The following CTC1 variants were observed in gnomAD, a reference collection of about 807,000 sequenced individuals.
The protein encoded by CTC1 is CST telomere replication complex component 1.
In CTC1, 91 loss-of-function variants were observed where a neutral mutation model predicts 136.3. The ratio of observed to expected loss-of-function variants is 0.67; its 90% CI spans 0.56 to 0.79. The LOEUF (loss-of-function observed/expected upper bound fraction) is 0.79, where lower values mean the gene tolerates loss of function less well. CTC1 is among the 30% of genes least tolerant of loss of function. The pLI, the probability that CTC1 is intolerant of heterozygous loss-of-function variation, is 0.00. For synonymous variants in CTC1, 606 were observed against 613.8 expected (o/e 0.99, Z 0.19); for missense variants, 1,432 against 1,498.1 (o/e 0.96, Z 0.73).
At position 8,230,464 on chromosome 17, in the gene CTC1, G is replaced by A. The variant is rs370836663; in HGVS notation, c.2763C>T (p.Asn921=). ...LVASLWMKLG[N]TGAMRRCVKL... is the part of the protein sequence containing the mutation. ...TCACACACCTTCTCATGGCCCCCGT[G>A]TTCCCTATAGAAGGAAGGTGGGTGT... Residue 921 remains asparagine, a synonymous_variant, in exon 17 of 23, where the codon AAC becomes AAT. Coordinates refer to ENST00000651323, the MANE Select transcript of CTC1 (RefSeq NM_025099.6). 4 of 1,613,792 alleles carry A rather than the reference G, an allele frequency of 2.5e-6. No individual in the cohort carries two copies. Among genetic ancestry groups the A allele is most frequent in the South Asian group, 1.1e-5 (1 of 91,068 alleles).
rs1204707319 is a variant in CTC1, at chr17:8,227,369, T to TCTCAAGG, written c.*804_*810dup. ...GTTGTGATTTCGGAGCACCTTCTGG[T>TCTCAAGG]CTCAAGGTATATCGATCAAGGATCT... On this transcript the variant is annotated 3_prime_UTR_variant, in exon 23 of 23. Transcript: ENST00000651323. 1.6e-4 allele frequency: 25 copies of TCTCAAGG among 152,186 alleles called. No individual in the cohort carries two copies. Among genetic ancestry groups the TCTCAAGG allele is most frequent in the African/African-American group, 6.0e-4 (25 of 41,434 alleles). 9.4% of individuals were successfully genotyped at this position (152,186 alleles called of 1,614,324 possible). A position where few individuals can be genotyped will look rare whatever the true frequency, so the allele number is the denominator to read the frequency against.
intron 2 of CTC1, among the ~76,000 whole-genome samples, chr17:8,241,922 C>T (rs1988256192): frequency 1.3e-5 from 2 of 150,052 alleles, no homozygotes; most frequent in Admixed American, 1.3e-4. Flanking sequence ...TTAAAGTCTA[C>T]ACTTATGCAA....
chr17:8,232,908 A>G lies in CTC1; in HGVS notation c.1943T>C (p.Ile648Thr). The stretch of plus-strand genomic sequence containing the variant: ...CTTTCCACATCTGAACTCCAAACCT[A>G]TCAGCCGTGGGTCACTGAGGGGTTG... ...HSQPLSDPRL[I>T]GCLVRAERFQ... Residue 648 changes from isoleucine to threonine, a missense_variant and splice_region_variant, in exon 11 of 23, where the codon ATA becomes ACA. Ile to Thr is a moderately conservative substitution (Grantham distance 89). Transcript: ENST00000651323. 1 of 1,613,946 alleles carries G rather than the reference A, an allele frequency of 6.2e-7. No homozygotes were observed. Among genetic ancestry groups the G allele is most frequent in the Non-Finnish European group, 8.5e-7 (1 of 1,179,902 alleles).
intron 14 of CTC1, 107 bp downstream of exon 14, chr17:8,231,619 C>A (rs1249692734): frequency 7.9e-7 from 1 of 1,271,602 alleles, no homozygotes; most frequent in Non-Finnish European, 1.1e-6. Flanking sequence ...CTAAATCCAG[C>A]CTTCTTCCAG....
chr17:8,246,853 C>A lies in CTC1; in HGVS notation c.33+1151G>T, dbSNP rs1295530808. Among the ~76,000 whole-genome samples the A allele has an allele frequency of 4.1e-5, 6 of 147,024 alleles. No individual in the cohort carries two copies. In the East Asian group the frequency reaches 1.4e-3, roughly 34 times the overall value. On this transcript the variant is annotated intron_variant, in intron 1 of 22. Coordinates refer to ENST00000651323, the MANE Select transcript of CTC1 (RefSeq NM_025099.6). ...CCTGGGAGGCAGAGGTTGCAGTGAGCCGAGATCGCGTCACTGCACTCCAGC... is the reference window on the plus strand; with the variant it reads ...CCTGGGAGGCAGAGGTTGCAGTGAGACGAGATCGCGTCACTGCACTCCAGC...
chr17:8,235,249 C>A lies in CTC1; in HGVS notation c.1243G>T (p.Gly415Trp). ...GGGGCGAGCACTGGCCTTCTTGTCC[C>A]CCCTCCCACTGACTGGAGCAGGTGA... ...DVHLLQSVGG[G>W]TRRPVLAPCL... The change falls in exon 8 of 23, where the codon GGG (glycine) becomes TGG (tryptophan). Residue 415 changes from glycine to tryptophan, a missense_variant. Transcript: ENST00000651323. 1 of 1,614,030 alleles carries A rather than the reference C, an allele frequency of 6.2e-7. No individual in the cohort carries two copies. The highest frequency in any genetic ancestry group is 1.1e-5 in the South Asian group (1 of 91,082).
chr17:8,233,102 A>T, intron 10 of CTC1, 70 bp from the exon 11 acceptor site: 2 of 1,539,256 alleles, frequency 1.3e-6, no homozygotes, highest in Non-Finnish European at 8.9e-7. Flanking sequence ...TATTTGCCAG[A>T]TGCTGTATTA....
intron 2 of CTC1, among the ~76,000 whole-genome samples, chr17:8,242,553 A>AT (rs1555536344): frequency 2.0e-3 from 122 of 60,360 alleles, no homozygotes; most frequent in Non-Finnish European, 3.2e-3. Flanking sequence ...AAAAAAAAAA[A>AT]ATATATATAT....
At chr17:8,241,554 C>T (rs1191505706) in intron 2 of CTC1, among the ~76,000 whole-genome samples, 3 of 148,188 alleles carry the variant, frequency 2.0e-5, no homozygotes, top group South Asian at 2.1e-4. Context: ...TGCAATGGGC[C>T]GAGATCATGC....
Position 8,234,615 on chromosome 17 carries a change from G to A in CTC1, c.1658C>T (p.Ala553Val). ...LQTPSSFPTL[A>V]TLKEEGQRKA... ...ACGCTGTCCTTCTTCTTTCAGGGTGGCCAGAGTGGGGAAGGAGGAGGGAGT... is the reference window on the plus strand; with the variant it reads ...ACGCTGTCCTTCTTCTTTCAGGGTGACCAGAGTGGGGAAGGAGGAGGGAGT... The change falls in exon 10 of 23, where the codon GCC (alanine) becomes GTC (valine). Residue 553 changes from alanine (A) to valine (V), a missense_variant. Physicochemically the swap from Ala to Val is moderately conservative, Grantham distance 64 (BLOSUM62 0). Coordinates refer to ENST00000651323, the MANE Select transcript of CTC1 (RefSeq NM_025099.6). 1 of 1,612,892 alleles carries A rather than the reference G, an allele frequency of 6.2e-7. No individual in the cohort carries two copies. The highest frequency in any genetic ancestry group is 8.5e-7 in the Non-Finnish European group (1 of 1,179,402).
rs141632364 is a variant in CTC1 at position 8,227,075 on chromosome 17, C to T, written c.*1105G>A. 8.7e-4 allele frequency: 131 copies of T among 150,836 alleles called. No individual in the cohort carries two copies. The highest frequency in any genetic ancestry group is 7.9e-3 in the South Asian group (39 of 4,956). The allele number at this position is 150,836 out of a possible 1,614,324, so 9.3% of individuals were successfully genotyped here. On this transcript the variant is annotated 3_prime_UTR_variant, in exon 23 of 23. Transcript: ENST00000651323. ...CTGAGCTAACCGGCCACTAACTTTCCGGGTCTACTTCAAATCTTAATATAG... is the reference window on the plus strand; with the variant it reads ...CTGAGCTAACCGGCCACTAACTTTCTGGGTCTACTTCAAATCTTAATATAG...
chr17:8,232,916 T>C lies in CTC1; in HGVS notation c.1935A>G (p.Pro645=). The change falls in exon 11 of 23, where the codon CCA becomes CCG. Residue 645 remains proline, a synonymous_variant. Transcript: ENST00000651323. The part of the protein sequence containing the change: ...LAKHSQPLSD[P]RLIGCLVRAE... ...ATCTGAACTCCAAACCTATCAGCCG[T>C]GGGTCACTGAGGGGTTGAGAGTGCT... 6.2e-7 allele frequency: 1 copy of C among 1,614,026 alleles called. No homozygotes were observed. Among genetic ancestry groups the C allele is most frequent in the Non-Finnish European group, 8.5e-7 (1 of 1,179,966 alleles).
At position 8,235,052 on chromosome 17, in the gene CTC1, C is replaced by A; in HGVS notation, c.1439+1G>T. 1 of 1,613,882 alleles carries A rather than the reference C, an allele frequency of 6.2e-7. No individual in the cohort carries two copies. The highest frequency in any genetic ancestry group is 8.5e-7 in the Non-Finnish European group (1 of 1,179,816). ...CCGCCCTGGGCCCTCAGCCTCCTCA[C>A]TTGCAGGCCAGCTCCTCCAGGGCCT... On this transcript the variant is annotated splice_donor_variant, in intron 8 of 22. Coordinates refer to ENST00000651323, the MANE Select transcript of CTC1 (RefSeq NM_025099.6). LOFTEE classifies it high-confidence loss of function.
At chr17:8,242,161 T>G (rs879265037) in intron 2 of CTC1, among the ~76,000 whole-genome samples, 115 of 152,036 alleles carry the variant, frequency 7.6e-4, no homozygotes, top group Non-Finnish European at 1.5e-3. Context: ...TCTGAGTAGC[T>G]GGGGATTGCA....
chr17:8,245,250 T>C (rs935611970), intron 1 of CTC1, among the ~76,000 whole-genome samples: 1 of 152,080 alleles, frequency 6.6e-6, no homozygotes, highest in Non-Finnish European at 1.5e-5. Flanking sequence ...GACATGAGGT[T>C]ACCTACATAA....
At chr17:8,235,743 T>C in intron 7 of CTC1, 88 bp downstream of exon 7, 3 of 1,409,126 alleles carry the variant, frequency 2.1e-6, no homozygotes, top group Non-Finnish European at 2.9e-6. Context: ...TATATTTCTA[T>C]ATAACCACCC....
At position 8,235,058 on chromosome 17, in the gene CTC1, G is replaced by C. The variant is rs1987586262; in HGVS notation, c.1434C>G (p.Ala478=). The change falls in exon 8 of 23, where the codon GCC becomes GCG. Residue 478 remains alanine, a synonymous_variant. Coordinates refer to ENST00000651323, the MANE Select transcript of CTC1 (RefSeq NM_025099.6). ...TGGGCCCTCAGCCTCCTCACTTGCA[G>C]GCCAGCTCCTCCAGGGCCTTGGTAG... The part of the protein sequence containing the change: ...LWATKALEEL[A]CKLCPHVLRH... The C allele has an allele frequency of 6.2e-7, 1 of 1,613,822 alleles. No homozygotes were observed.
chr17:8,246,910 A>C (rs1046787317), intron 1 of CTC1, among the ~76,000 whole-genome samples: 5 of 106,724 alleles, frequency 4.7e-5, no homozygotes, highest in Non-Finnish European at 1.2e-4. Flanking sequence ...GTCTCAAAAC[A>C]CACACACACA....
Position 8,226,320 on chromosome 17 carries a change from A to T in CTC1, c.*1860T>A, listed in dbSNP as rs936683970. 4 of 152,242 alleles carry T rather than the reference A, an allele frequency of 2.6e-5. No homozygotes were observed. The highest frequency in any genetic ancestry group is 7.2e-5 in the African/African-American group (3 of 41,456). 9.4% of individuals were successfully genotyped at this position (152,242 alleles called of 1,614,324 possible). A position where few individuals can be genotyped will look rare whatever the true frequency, so the allele number is the denominator to read the frequency against. ...TAAGCCACGGCGCCGAAGCTGCCAT[A>T]AAGGTTCCTGAAATTCATCTACAAG... is the stretch of plus-strand genomic sequence containing the variant. On this transcript the variant is annotated 3_prime_UTR_variant, in exon 23 of 23. Transcript: ENST00000651323.
Sources: gnomAD v4.1 joint callset for allele counts (sites outside exome capture counted in the v4.1 genomes callset) on GRCh38, gnomAD v4.1.1 for gene constraint, MANE v1.5 for transcripts, NCBI Gene and HGNC (gene_info 2026-07-23, HGNC 2026-07-21) for gene names.